The following PLLP variants were observed in gnomAD, a reference collection of about 807,000 sequenced individuals.
The protein encoded by PLLP is plasmolipin.
In PLLP, 15 loss-of-function variants were observed where a neutral mutation model predicts 19.7. That is an observed-to-expected ratio of 0.76 (90% CI 0.51 to 1.17). The LOEUF is 1.17. Among genes scored for constraint, PLLP ranks in the 50% most tolerant of loss-of-function variants. PLLP has a pLI of 0.00. For missense variants in PLLP, 255 were observed against 258.3 expected, an observed-to-expected ratio of 0.99 and a Z score of 0.09; for synonymous variants, 111 against 116.3, an observed-to-expected ratio of 0.95 and a Z score of 0.29.
chr16:57,281,614 C>T (rs1183005099), intron 1 of PLLP, among the ~76,000 whole-genome samples: 1 of 151,596 alleles, frequency 6.6e-6, no homozygotes, highest in Non-Finnish European at 1.5e-5. Flanking sequence ...GGGTTCACGC[C>T]ATTCTCCCGC....
At chr16:57,282,138 T>C (rs1390355298) in intron 1 of PLLP, among the ~76,000 whole-genome samples, 1 of 151,830 alleles carries the variant, frequency 6.6e-6, no homozygotes, top group Non-Finnish European at 1.5e-5. Context: ...CCAAGACCCT[T>C]GCGGCCCACA....
At chr16:57,263,492 A>C (rs576961778) in intron 1 of PLLP, 1 of 152,278 alleles carries the variant, frequency 6.6e-6, no homozygotes, top group Admixed American at 6.5e-5. Flanking sequence ...ATGCACATAA[A>C]TGATTGCAGC....
Position 57,284,273 on chromosome 16 carries a change from G to A in PLLP, c.135+133C>T, listed in dbSNP as rs1367458313. On this transcript the variant is annotated intron_variant, in intron 1 of 3. Coordinates refer to ENST00000219207, the MANE Select transcript of PLLP (RefSeq NM_015993.3). ...GAAGCGCCCTAGGGGTACGCGCAGCGCGTCGGTGACAGTGTGAGCCCGGGT... is the reference window on the plus strand; with the variant it reads ...GAAGCGCCCTAGGGGTACGCGCAGCACGTCGGTGACAGTGTGAGCCCGGGT... 9 of 798,832 alleles carry A rather than the reference G, an allele frequency of 1.1e-5. No individual in the cohort carries two copies. In the African/African-American group the frequency reaches 1.4e-4, roughly 13 times the overall value. The allele number at this position is 798,832 out of a possible 1,614,324, so 49.5% of individuals were successfully genotyped here. A position where few individuals can be genotyped will look rare whatever the true frequency, so the allele number is the denominator to read the frequency against.
intron 1 of PLLP, among the ~76,000 whole-genome samples, chr16:57,266,820 G>C (rs1309482389): frequency 7.0e-6 from 1 of 142,410 alleles, no homozygotes; most frequent in African/African-American, 2.6e-5. Context: ...AGGTCCTGCA[G>C]ATAAACAAAG....
intron 1 of PLLP, among the ~76,000 whole-genome samples, chr16:57,279,597 C>T (rs1901193811): frequency 6.6e-6 from 1 of 151,804 alleles, no homozygotes; most frequent in South Asian, 2.1e-4. Context: ...ATCGTCTGAG[C>T]CTGGGAGGTT....
At chr16:57,266,274 C>T (rs145610366) in intron 1 of PLLP, among the ~76,000 whole-genome samples, 4 of 152,270 alleles carry the variant, frequency 2.6e-5, no homozygotes, top group African/African-American at 4.8e-5. Flanking sequence ...CAGATGAAGC[C>T]GGTGGATAAG....
chr16:57,263,813 C>T (rs1165317471), intron 1 of PLLP, among the ~76,000 whole-genome samples: 3 of 152,112 alleles, frequency 2.0e-5, no homozygotes, highest in East Asian at 3.9e-4. Flanking sequence ...GGAGAGGACA[C>T]GAGGGTCTAG....
rs1725992752 is a variant in PLLP, at chr16:57,256,514, T to G, written c.*399A>C. On this transcript the variant is annotated 3_prime_UTR_variant, in exon 4 of 4. Transcript: ENST00000219207. ...GAACAAAGACTAAGGTGCTACGTGT[T>G]GCTTGTTAGGCTTATACTACGGCGG... The G allele has an allele frequency of 5.0e-6, 1 of 201,234 alleles. No homozygotes were observed. Among genetic ancestry groups the G allele is most frequent in the African/African-American group, 2.3e-5 (1 of 43,488 alleles). 12.5% of individuals were successfully genotyped at this position (201,234 alleles called of 1,614,324 possible). A position where few individuals can be genotyped will look rare whatever the true frequency, so the allele number is the denominator to read the frequency against.
intron 1 of PLLP, among the ~76,000 whole-genome samples, chr16:57,265,609 C>T (rs2037124790): frequency 2.0e-5 from 3 of 152,214 alleles, no homozygotes; most frequent in African/African-American, 4.8e-5. Context: ...TGCCTTCTCG[C>T]TCTGTGCCAG....
intron 1 of PLLP, among the ~76,000 whole-genome samples, chr16:57,266,288 TG>T (rs1391441346): frequency 6.6e-6 from 1 of 152,006 alleles, no homozygotes; most frequent in Non-Finnish European, 1.5e-5. Flanking sequence ...GGATAAGGAC[TG>T]GGAATTTCTG....
At chr16:57,277,361 G>A (rs1274630843) in intron 1 of PLLP, among the ~76,000 whole-genome samples, 2 of 152,110 alleles carry the variant, frequency 1.3e-5, no homozygotes, top group South Asian at 2.1e-4. Context: ...AGGCCGAGGC[G>A]GGCGGATCAC....
chr16:57,281,430 T>TC (rs1223058209), intron 1 of PLLP, among the ~76,000 whole-genome samples: 1 of 151,598 alleles, frequency 6.6e-6, no homozygotes, highest in African/African-American at 2.4e-5. Context: ...CCCCCACATA[T>TC]CCCATTTCAG....
In PLLP at chr16:57,262,078, G is replaced by A. The variant is rs372686820; in HGVS notation, c.136-8C>T. 5.2e-5 allele frequency: 84 copies of A among 1,613,798 alleles called. No individual in the cohort carries two copies. The highest frequency in any genetic ancestry group is 5.6e-5 in the Non-Finnish European group (66 of 1,179,862). On this transcript the variant is annotated splice_region_variant and splice_polypyrimidine_tract_variant and intron_variant, in intron 1 of 3. Transcript: ENST00000219207. ...CACCAGCAGCCCCAGCACCTAGGAGGGTCAGACAAGGCAGGATTGGCCAGA... is the reference window on the plus strand; with the variant it reads ...CACCAGCAGCCCCAGCACCTAGGAGAGTCAGACAAGGCAGGATTGGCCAGA...
chr16:57,268,556 T>C lies in PLLP; in HGVS notation c.136-6486A>G, dbSNP rs116207427. Among the ~76,000 whole-genome samples the C allele has an allele frequency of 8.9e-3, 1,357 of 152,300 alleles. 25 individuals carry two copies. The highest frequency in any genetic ancestry group is 0.031 in the African/African-American group (1,291 of 41,562). ...CCCAGGCTGGAGTGCAATGGCACTA[T>C]TGCAGCTCACTGCAGCCTCGAACTC... On this transcript the variant is annotated intron_variant, in intron 1 of 3. Transcript: ENST00000219207.
At chr16:57,266,160 G>C (rs2075456533) in intron 1 of PLLP, among the ~76,000 whole-genome samples, 1 of 152,176 alleles carries the variant, frequency 6.6e-6, no homozygotes, top group African/African-American at 2.4e-5. Context: ...GAGCCAGTCT[G>C]GGCTGGGCAC....
intron 2 of PLLP, among the ~76,000 whole-genome samples, 188 bp downstream of exon 2, chr16:57,261,709 C>G (rs2146439174): frequency 6.6e-6 from 1 of 152,106 alleles, no homozygotes; most frequent in South Asian, 2.1e-4. Flanking sequence ...CATAGTGAGA[C>G]ACTGTCTTGA....
intron 1 of PLLP, among the ~76,000 whole-genome samples, chr16:57,278,682 C>T (rs1336494682): frequency 6.6e-6 from 1 of 152,194 alleles, no homozygotes; most frequent in African/African-American, 2.4e-5. Flanking sequence ...AGATATTGGG[C>T]ATGCGGGGCC....
chr16:57,274,628 T>C, intron 1 of PLLP, among the ~76,000 whole-genome samples: 1 of 150,262 alleles, frequency 6.7e-6, no homozygotes, highest in African/African-American at 2.5e-5. Context: ...ATTTTTTGTC[T>C]TTTTAGTGGA....
At chr16:57,272,720 G>A (rs1446802103) in intron 1 of PLLP, among the ~76,000 whole-genome samples, 1 of 152,166 alleles carries the variant, frequency 6.6e-6, no homozygotes, top group Non-Finnish European at 1.5e-5. Flanking sequence ...GGGAGGCCAA[G>A]GTAGGAGGAA....
Sources: gnomAD v4.1 joint callset for allele counts (sites outside exome capture counted in the v4.1 genomes callset) on GRCh38, gnomAD v4.1.1 for gene constraint, MANE v1.5 for transcripts, NCBI Gene and HGNC (gene_info 2026-07-23, HGNC 2026-07-21) for gene names.